SHROOM2: variants seen among roughly 807,000 people sequenced by gnomAD.
SHROOM2 encodes shroom family member 2.
SHROOM2 carries 33 observed loss-of-function variants against 75.9 expected under a neutral mutation model. That is an observed-to-expected ratio of 0.43 (90% CI 0.33 to 0.58). SHROOM2 has a LOEUF of 0.58. Ranked by LOEUF, SHROOM2 falls within the 20% of genes least tolerant of loss-of-function variation. The pLI is 0.04. For synonymous variants in SHROOM2, 655 were observed against 663.6 expected (o/e 0.99, Z 0.20); for missense variants, 1,434 against 1,461.2 (o/e 0.98, Z 0.30).
intron 1 of SHROOM2, among the ~76,000 whole-genome samples, chrX:9,864,643 G>C: frequency 9.2e-6 from 1 of 109,279 alleles, no homozygotes; most frequent in Non-Finnish European, 1.9e-5. Context: ...AAAAAAAACG[G>C]TGAAACCCCG....
intron 5 of SHROOM2, among the ~76,000 whole-genome samples, chrX:9,920,800 A>G (rs2084538153): frequency 1.8e-5 from 2 of 112,150 alleles, no homozygotes; most frequent in Non-Finnish European, 1.9e-5. Context: ...TTTCTCCTCA[A>G]AATTTCCTGT....
At chrX:9,935,665 C>T (rs1445059959) in intron 6 of SHROOM2, among the ~76,000 whole-genome samples, 1 of 111,459 alleles carries the variant, frequency 9.0e-6, no homozygotes, top group Non-Finnish European at 1.9e-5. Flanking sequence ...AGCCTGAGCA[C>T]CACTGCCTTG....
chrX:9,825,923 C>T (rs2083885187), intron 1 of SHROOM2, among the ~76,000 whole-genome samples: 1 of 112,266 alleles, frequency 8.9e-6, no homozygotes. Flanking sequence ...TCTGGGCACC[C>T]AACACGACAC....
intron 1 of SHROOM2, among the ~76,000 whole-genome samples, chrX:9,836,355 A>G (rs2083945038): frequency 9.0e-6 from 1 of 111,326 alleles, no homozygotes; most frequent in Admixed American, 9.6e-5. Flanking sequence ...GACAGCGCTC[A>G]ACAGATAGGA....
chrX:9,791,974 T>C (rs74356193), intron 1 of SHROOM2, among the ~76,000 whole-genome samples: 1 of 103 alleles, frequency 9.7e-3, no homozygotes, highest in South Asian at 0.17. Context: ...ATCTCGAGAA[T>C]AGAATAGAAT....
intron 2 of SHROOM2, among the ~76,000 whole-genome samples, chrX:9,884,511 T>G (rs1308973773): frequency 9.3e-6 from 1 of 107,489 alleles, no homozygotes; most frequent in Admixed American, 1.0e-4. Context: ...TGTTCTTTCT[T>G]TTTTTTTAGA....
intron 1 of SHROOM2, among the ~76,000 whole-genome samples, chrX:9,792,466 TTTG>T (rs778752592): frequency 2.8e-5 from 3 of 108,198 alleles, no homozygotes; most frequent in African/African-American, 1.0e-4. Flanking sequence ...TGTTTTTTTT[TTTG>T]TTGTTGTTGT....
chrX:9,792,135 AGAAT>A, intron 1 of SHROOM2, among the ~76,000 whole-genome samples: 1 of 24,677 alleles, frequency 4.1e-5, no homozygotes, highest in African/African-American at 1.0e-4. Context: ...AGAATAGAAT[AGAAT>A]AGAATAGAAT....
chrX:9,931,636 C>T (rs765284077), intron 5 of SHROOM2, among the ~76,000 whole-genome samples: 1 of 110,966 alleles, frequency 9.0e-6, no homozygotes, highest in Non-Finnish European at 1.9e-5. Context: ...AAAGCGAGAC[C>T]CCAACTCTTT....
At chrX:9,833,608 CTGTGTGTGTGTGTGTGTGTGTG>C (rs144161839) in intron 1 of SHROOM2, among the ~76,000 whole-genome samples, 1 of 95,358 alleles carries the variant, frequency 1.0e-5, no homozygotes, top group African/African-American at 4.1e-5. Flanking sequence ...CAAGTAGACT[CTGTGTGTGTGTGTGTGTGTGTG>C]TGTGTGTGTG....
chrX:9,792,068 ATAG>A (rs1569133012), intron 1 of SHROOM2, among the ~76,000 whole-genome samples: 167 of 11,717 alleles, frequency 0.014, 11 homozygotes, highest in African/African-American at 0.025. Flanking sequence ...ATAGAATAGA[ATAG>A]AATAGAATAG....
intron 1 of SHROOM2, among the ~76,000 whole-genome samples, chrX:9,798,496 G>T (rs1441230894): frequency 9.0e-6 from 1 of 111,445 alleles, no homozygotes; most frequent in African/African-American, 3.3e-5. Flanking sequence ...ATTTCTGAAA[G>T]TACAGCTGTA....
At chrX:9,944,508 C>G in intron 8 of SHROOM2, 133 bp from the exon 9 acceptor site, 1 of 595,910 alleles carries the variant, frequency 1.7e-6, no homozygotes, top group South Asian at 3.3e-5. Context: ...TTTGGTGATG[C>G]AAAAGTGAGC....
chrX:9,930,265 C>T (rs976761145), intron 5 of SHROOM2, among the ~76,000 whole-genome samples: 1 of 111,203 alleles, frequency 9.0e-6, no homozygotes, highest in African/African-American at 3.3e-5. Context: ...ACCTGTAATC[C>T]CAGCACTTGG....
rs372814254 is a variant in SHROOM2 at position 9,932,771 on chromosome X, C to T, written c.3488C>T (p.Thr1163Met). The T allele has an allele frequency of 2.2e-5, 27 of 1,208,823 alleles. No homozygotes were observed. The highest frequency in any genetic ancestry group is 2.7e-5 in the Non-Finnish European group (24 of 895,232). The change falls in exon 6 of 10, where the codon ACG becomes ATG. Residue 1163 changes from threonine to methionine, a missense_variant. Physicochemically the swap from Thr to Met is moderately conservative, Grantham distance 81 (BLOSUM62 -1). Transcript: ENST00000380913. Reference protein sequence around the residue: ...PPKQQHLRLQTATMETSRSPS... With the variant: ...PPKQQHLRLQMATMETSRSPS... ...AAGCAGCAGCACCTGCGCCTGCAGA[C>T]GGCCACCATGGAGACCTCGCGCTCC...
chrX:9,949,200 A>G lies in SHROOM2; in HGVS notation c.*2263A>G, dbSNP rs2084850064. 7 of 271,063 alleles carry G rather than the reference A, an allele frequency of 2.6e-5. No individual in the cohort carries two copies. Among genetic ancestry groups the G allele is most frequent in the South Asian group, 2.1e-4 (6 of 28,625 alleles). 22.3% of individuals were successfully genotyped at this position (271,063 alleles called of 1,213,427 possible). A position where few individuals can be genotyped will look rare whatever the true frequency, so the allele number is the denominator to read the frequency against. Reference sequence around the variant, plus strand: ...CATCCATAACTCTGTATCTAGTTGTATTATTCATAGAAAATCAATCTGGTG... The same window carrying G: ...CATCCATAACTCTGTATCTAGTTGTGTTATTCATAGAAAATCAATCTGGTG... On this transcript the variant is annotated 3_prime_UTR_variant, in exon 10 of 10. Coordinates refer to ENST00000380913, the MANE Select transcript of SHROOM2 (RefSeq NM_001649.4).
At chrX:9,868,123 A>T (rs1161858117) in intron 1 of SHROOM2, among the ~76,000 whole-genome samples, 1 of 112,030 alleles carries the variant, frequency 8.9e-6, no homozygotes, top group African/African-American at 3.2e-5. Context: ...CCTGCAAGCC[A>T]TGAGTCTTTA....
intron 2 of SHROOM2, among the ~76,000 whole-genome samples, chrX:9,877,462 C>T (rs914352548): frequency 1.8e-5 from 2 of 111,362 alleles, no homozygotes; most frequent in African/African-American, 3.3e-5. Context: ...TCTTCCCAGG[C>T]GGTTTGTTGT....
chrX:9,819,016 T>G (rs1268443206), intron 1 of SHROOM2: 1 of 1,012,157 alleles, frequency 9.9e-7, no homozygotes, highest in Non-Finnish European at 1.4e-6. Flanking sequence ...TCTTTGCCCT[T>G]TATATTTTTC....
Sources: gnomAD v4.1 joint callset for allele counts (sites outside exome capture counted in the v4.1 genomes callset) on GRCh38, gnomAD v4.1.1 for gene constraint, MANE v1.5 for transcripts, NCBI Gene and HGNC (gene_info 2026-07-23, HGNC 2026-07-21) for gene names.